The following PTPRQ variants were observed in gnomAD, a reference collection of about 807,000 sequenced individuals.
The protein encoded by PTPRQ is phosphatidylinositol phosphatase PTPRQ.
A neutral mutation model predicts 246.0 loss-of-function variants in PTPRQ; 199 were observed. The observed-to-expected ratio is 0.81, with a 90% confidence interval of 0.72 to 0.91. The LOEUF (loss-of-function observed/expected upper bound fraction) is 0.91. Ranked by LOEUF, PTPRQ falls within the 40% of genes least tolerant of loss-of-function variation. PTPRQ has a pLI of 0.00. For missense variants in PTPRQ, 2,624 were observed against 2,528.4 expected (o/e 1.04, Z -0.81); for synonymous variants, 869 against 853.2 (o/e 1.02, Z -0.32).
intron 26 of PTPRQ, among the ~76,000 whole-genome samples, chr12:80,590,087 G>T (rs1216156525): frequency 6.6e-6 from 1 of 152,170 alleles, no homozygotes; most frequent in Non-Finnish European, 1.5e-5. Flanking sequence ...CACTGGGCTT[G>T]TGTGTTGAAT....
At chr12:80,667,960 CACCTA>C (rs2121277804) in intron 39 of PTPRQ, among the ~76,000 whole-genome samples, 1 of 151,974 alleles carries the variant, frequency 6.6e-6, no homozygotes, top group African/African-American at 2.4e-5. Flanking sequence ...TTGGGAAAAT[CACCTA>C]AAGTGCCTCC....
chr12:80,491,417 T>C (rs1335298014), intron 9 of PTPRQ, among the ~76,000 whole-genome samples: 1 of 151,966 alleles, frequency 6.6e-6, no homozygotes, highest in Non-Finnish European at 1.5e-5. Flanking sequence ...AATTTCCCTG[T>C]GGAGGCAGTG....
chr12:80,483,736 C>T (rs937854796), intron 8 of PTPRQ, among the ~76,000 whole-genome samples: 1 of 151,698 alleles, frequency 6.6e-6, no homozygotes, highest in Non-Finnish European at 1.5e-5. Context: ...CCTCCCCTAG[C>T]CCCCCACCCA....
intron 42 of PTPRQ, among the ~76,000 whole-genome samples, chr12:80,671,011 C>T (rs1900951696): frequency 6.6e-6 from 1 of 151,878 alleles, no homozygotes; most frequent in South Asian, 2.1e-4. Context: ...TTTAAAGTAA[C>T]AATAACTTTT....
At chr12:80,588,549 A>C (rs1171321926) in intron 26 of PTPRQ, 97 bp downstream of exon 26, 1 of 1,237,478 alleles carries the variant, frequency 8.1e-7, no homozygotes, top group East Asian at 3.0e-5. Flanking sequence ...GTGTAAAATC[A>C]CTGAACATAG....
At chr12:80,450,386 T>C (rs1178776239) in intron 3 of PTPRQ, among the ~76,000 whole-genome samples, 2 of 152,222 alleles carry the variant, frequency 1.3e-5, no homozygotes, top group Admixed American at 1.3e-4. Context: ...TCCTGGCTAA[T>C]TGCCCTGGGC....
chr12:80,546,498 C>A, intron 23 of PTPRQ, 58 bp from the exon 24 acceptor site: 2 of 1,461,488 alleles, frequency 1.4e-6, no homozygotes, highest in South Asian at 2.7e-5. Flanking sequence ...GAAAATATTC[C>A]ATTGATGAAC....
chr12:80,576,732 A>G (rs1897288033), intron 25 of PTPRQ, among the ~76,000 whole-genome samples: 1 of 151,862 alleles, frequency 6.6e-6, no homozygotes, highest in Admixed American at 6.6e-5. Context: ...TTTTGATAAT[A>G]TGAGTACTCC....
intron 3 of PTPRQ, among the ~76,000 whole-genome samples, chr12:80,456,582 G>T (rs1182529593): frequency 6.6e-6 from 1 of 152,098 alleles, no homozygotes; most frequent in East Asian, 1.9e-4. Context: ...GTTCTGCTTA[G>T]ATCTATTTTT....
chr12:80,644,627 A>G (rs918312521), intron 35 of PTPRQ, among the ~76,000 whole-genome samples: 1 of 152,120 alleles, frequency 6.6e-6, no homozygotes, highest in African/African-American at 2.4e-5. Context: ...TTATTTAAGC[A>G]AACAGTTTTT....
chr12:80,522,179 A>T (rs1056791420), intron 17 of PTPRQ, among the ~76,000 whole-genome samples: 2 of 152,268 alleles, frequency 1.3e-5, no homozygotes, highest in African/African-American at 4.8e-5. Context: ...TTATTGGTAT[A>T]TAAGAATGCT....
At chr12:80,555,195 C>T (rs543107765) in intron 25 of PTPRQ, among the ~76,000 whole-genome samples, 13 of 152,142 alleles carry the variant, frequency 8.5e-5, no homozygotes, top group African/African-American at 1.4e-4. Flanking sequence ...GTATTACAGG[C>T]GTGAGCCACC....
At chr12:80,562,612 A>C (rs1896860104) in intron 25 of PTPRQ, among the ~76,000 whole-genome samples, 1 of 152,186 alleles carries the variant, frequency 6.6e-6, no homozygotes, top group South Asian at 2.1e-4. Context: ...TCAACATATC[A>C]AAATTTGTGA....
In PTPRQ at chr12:80,510,340, C is replaced by G. The variant is rs1232525703; in HGVS notation, c.2575C>G (p.Gln859Glu). ...CTTTACAGCTCCTGATTCTCCCCCT[C>G]AAGACTTCTCTGTAAAACAGTTGTC... ...TEEDAPDSPP[Q>E]DFSVKQLSGV... Residue 859 changes from glutamine (Q) to glutamate (E), a missense_variant, in exon 17 of 45, where the codon CAA becomes GAA. By Grantham distance (29) the Gln-to-Glu change is conservative. Transcript: ENST00000644991. 6.5e-7 allele frequency: 1 copy of G among 1,548,580 alleles called. No homozygotes were observed. Among genetic ancestry groups the G allele is most frequent in the Non-Finnish European group, 8.7e-7 (1 of 1,145,258 alleles).
At chr12:80,602,139 A>G (rs1471039169) in intron 26 of PTPRQ, among the ~76,000 whole-genome samples, 1 of 151,780 alleles carries the variant, frequency 6.6e-6, no homozygotes, top group Non-Finnish European at 1.5e-5. Context: ...TCAGAAGTAC[A>G]AATAGGAAGA....
chr12:80,514,220 G>A (rs1310652255), intron 17 of PTPRQ, among the ~76,000 whole-genome samples: 1 of 151,378 alleles, frequency 6.6e-6, no homozygotes. Context: ...TCCTTCTTCC[G>A]TATACTCTTT....
chr12:80,650,958 A>T lies in PTPRQ; in HGVS notation c.6024+1289A>T, dbSNP rs1420610329. Reference sequence around the variant, plus strand: ...AAGCAAATTATTAAATTATGTTTTAATAAATACATTTTTGGTGCATATATT... The same window carrying T: ...AAGCAAATTATTAAATTATGTTTTATTAAATACATTTTTGGTGCATATATT... On this transcript the variant is annotated intron_variant, in intron 37 of 44. Transcript: ENST00000644991. Among the ~76,000 whole-genome samples the T allele has an allele frequency of 3.9e-5, 6 of 152,048 alleles. No homozygotes were observed. The East Asian group carries it at 9.6e-4, about 24-fold the overall frequency.
At chr12:80,623,308 T>C (rs1363234317) in intron 33 of PTPRQ, among the ~76,000 whole-genome samples, 1 of 152,212 alleles carries the variant, frequency 6.6e-6, no homozygotes, top group Non-Finnish European at 1.5e-5. Flanking sequence ...AGAGGGGGCA[T>C]GTAGTTTGCT....
At chr12:80,460,132 ACAGT>A (rs1166379448) in intron 5 of PTPRQ, among the ~76,000 whole-genome samples, 2 of 152,240 alleles carry the variant, frequency 1.3e-5, no homozygotes, top group African/African-American at 2.4e-5. Context: ...TAATGCAAAC[ACAGT>A]CAAACAGTTA....
Sources: gnomAD v4.1 joint callset for allele counts (sites outside exome capture counted in the v4.1 genomes callset) on GRCh38, gnomAD v4.1.1 for gene constraint, MANE v1.5 for transcripts, NCBI Gene and HGNC (gene_info 2026-07-23, HGNC 2026-07-21) for gene names.